Variants in YWHAQ observed in about 807,000 individuals in gnomAD.
YWHAQ encodes tyrosine 3-monooxygenase/tryptophan 5-monooxygenase activation protein theta.
A neutral mutation model predicts 28.3 loss-of-function variants in YWHAQ; 6 were observed. The ratio of observed to expected loss-of-function variants is 0.21; its 90% CI spans 0.12 to 0.42. The LOEUF (loss-of-function observed/expected upper bound fraction) is 0.42, where lower values mean the gene tolerates loss of function less well. YWHAQ is among the 10% of genes least tolerant of loss of function. The pLI is 1.00. For synonymous variants in YWHAQ, 143 were observed against 119.1 expected (o/e 1.20, Z -1.31); for missense variants, 201 against 305.6 (o/e 0.66, Z 2.55).
In YWHAQ at chr2:9,588,336, G is replaced by A; in HGVS notation, c.419-8C>T. On this transcript the variant is annotated splice_polypyrimidine_tract_variant and splice_region_variant and intron_variant, in intron 3 of 5. Transcript: ENST00000238081. ...GGGAATTATCTATCGTTTCTGTGAA[G>A]AGCGAAAAATAAGAAGTGCAATATT... The A allele has an allele frequency of 6.2e-7, 1 of 1,602,740 alleles. No homozygotes were observed. Among genetic ancestry groups the A allele is most frequent in the Non-Finnish European group, 8.5e-7 (1 of 1,177,030 alleles).
intron 2 of YWHAQ, among the ~76,000 whole-genome samples, chr2:9,622,180 A>G (rs1667154715): frequency 6.7e-6 from 1 of 149,792 alleles, no homozygotes. Context: ...AACTTAAAGT[A>G]TTAAAAAAAA....
intron 3 of YWHAQ, among the ~76,000 whole-genome samples, chr2:9,590,913 A>G (rs369976736): frequency 5.8e-4 from 89 of 152,356 alleles, no homozygotes; most frequent in African/African-American, 2.1e-3. Flanking sequence ...GATTATATGT[A>G]ATTAGCAGTC....
rs1666530941 is a variant in YWHAQ, at chr2:9,594,699, G to A, written c.295-3184C>T. ...CAGCTCTGGTGAAGATATTATTTATGGTCACAAAAAAAGCTACTCAGTACC... is the reference window on the plus strand; with the variant it reads ...CAGCTCTGGTGAAGATATTATTTATAGTCACAAAAAAAGCTACTCAGTACC... On this transcript the variant is annotated intron_variant, in intron 2 of 5. Transcript: ENST00000238081. Among the ~76,000 whole-genome samples, 5 of 152,212 alleles carry A rather than the reference G, an allele frequency of 3.3e-5. No homozygotes were observed. In the South Asian group the frequency reaches 1.0e-3, roughly 32 times the overall value.
At chr2:9,623,580 C>T (rs532734120) in intron 2 of YWHAQ, among the ~76,000 whole-genome samples, 78 of 152,084 alleles carry the variant, frequency 5.1e-4, no homozygotes, top group Non-Finnish European at 8.8e-4. Flanking sequence ...TTGAGACCAA[C>T]CTGACCAACA....
At chr2:9,610,312 G>T (rs1450975326) in intron 2 of YWHAQ, among the ~76,000 whole-genome samples, 1 of 152,120 alleles carries the variant, frequency 6.6e-6, no homozygotes, top group Non-Finnish European at 1.5e-5. Context: ...TTGTATCTCA[G>T]TTTCTTCATC....
chr2:9,593,038 T>C (rs530659571), intron 2 of YWHAQ, among the ~76,000 whole-genome samples: 1 of 152,310 alleles, frequency 6.6e-6, no homozygotes, highest in Admixed American at 6.5e-5. Context: ...GCTCAGTTAA[T>C]ATTATATAAA....
At chr2:9,602,866 T>A (rs1482983370) in intron 2 of YWHAQ, among the ~76,000 whole-genome samples, 135 of 10,296 alleles carry the variant, frequency 0.013, 3 homozygotes, top group South Asian at 0.02. Flanking sequence ...AAAAAAAATA[T>A]ATATATATAT....
At chr2:9,609,529 C>T (rs1666903837) in intron 2 of YWHAQ, among the ~76,000 whole-genome samples, 1 of 151,952 alleles carries the variant, frequency 6.6e-6, no homozygotes, top group Non-Finnish European at 1.5e-5. Context: ...GCCGAGACTT[C>T]CAGTAATGGG....
At chr2:9,588,353 T>C in intron 3 of YWHAQ, 25 bp from the exon 4 acceptor site, 1 of 1,600,532 alleles carries the variant, frequency 6.2e-7, no homozygotes, top group Non-Finnish European at 8.5e-7. Flanking sequence ...AAATAAGAAG[T>C]GCAATATTAA....
intron 2 of YWHAQ, among the ~76,000 whole-genome samples, chr2:9,592,751 C>CT (rs1666483364): frequency 6.6e-6 from 1 of 151,974 alleles, no homozygotes; most frequent in African/African-American, 2.4e-5. Flanking sequence ...ACAAAAAAAG[C>CT]TTTTTTGTAT....
At chr2:9,605,573 G>T (rs1189904503) in intron 2 of YWHAQ, among the ~76,000 whole-genome samples, 2 of 151,828 alleles carry the variant, frequency 1.3e-5, no homozygotes, top group African/African-American at 2.4e-5. Context: ...TTGTTGTTTT[G>T]TTTCTGAGAC....
chr2:9,607,985 G>A (rs768307058), intron 2 of YWHAQ, among the ~76,000 whole-genome samples: 1 of 152,104 alleles, frequency 6.6e-6, no homozygotes, highest in African/African-American at 2.4e-5. Flanking sequence ...TGGTATTACA[G>A]GCGTGAGCCA....
chr2:9,619,700 G>A (rs979092061), intron 2 of YWHAQ, among the ~76,000 whole-genome samples: 1 of 152,146 alleles, frequency 6.6e-6, no homozygotes, highest in African/African-American at 2.4e-5. Flanking sequence ...TCTGCAATCA[G>A]GCACCAAATA....
intron 5 of YWHAQ, 74 bp downstream of exon 5, chr2:9,587,340 C>T (rs1666364927): frequency 7.4e-6 from 10 of 1,355,974 alleles, no homozygotes; most frequent in Admixed American, 2.1e-5. Context: ...CCCTAAAAGA[C>T]ACGAAGTCCA....
At chr2:9,614,846 T>C (rs1573001203) in intron 2 of YWHAQ, among the ~76,000 whole-genome samples, 1 of 152,150 alleles carries the variant, frequency 6.6e-6, no homozygotes, top group Admixed American at 6.5e-5. Context: ...TACAACCCCT[T>C]CCTGCCTCTA....
At chr2:9,623,380 G>A (rs1001473326) in intron 2 of YWHAQ, among the ~76,000 whole-genome samples, 53 of 152,294 alleles carry the variant, frequency 3.5e-4, no homozygotes, top group African/African-American at 1.2e-3. Context: ...ATTCCACTTC[G>A]AGAACTTAAG....
At chr2:9,592,092 G>A (rs1666467904) in intron 2 of YWHAQ, among the ~76,000 whole-genome samples, 3 of 152,052 alleles carry the variant, frequency 2.0e-5, no homozygotes, top group South Asian at 4.1e-4. Context: ...TTTTAGGGAC[G>A]GGAAACAAAA....
chr2:9,620,740 C>G (rs1667126394), intron 2 of YWHAQ: 2 of 152,132 alleles, frequency 1.3e-5, no homozygotes, highest in East Asian at 3.8e-4. Context: ...CTGTGATTTT[C>G]CTGGTCTTCA....
At chr2:9,603,652 G>A (rs977188202) in intron 2 of YWHAQ, among the ~76,000 whole-genome samples, 1 of 151,842 alleles carries the variant, frequency 6.6e-6, no homozygotes, top group Non-Finnish European at 1.5e-5. Context: ...GCCAGGCATG[G>A]TGGCTCACAC....
Sources: allele counts gnomAD v4.1 joint callset (sites outside exome capture counted in the v4.1 genomes callset), GRCh38; gene constraint gnomAD v4.1.1; transcripts MANE v1.5; gene names NCBI Gene and HGNC (gene_info 2026-07-23, HGNC 2026-07-21).